CAB39L: variants seen among roughly 807,000 people sequenced by gnomAD.
CAB39L encodes the protein calcium-binding protein 39-like.
CAB39L carries 23 observed loss-of-function variants against 39.1 expected under a neutral mutation model. The observed-to-expected ratio is 0.59, with a 90% CI of 0.42 to 0.83. The LOEUF is 0.83. Ranked by LOEUF, CAB39L falls within the 40% of genes least tolerant of loss-of-function variation. The pLI, the probability that CAB39L is intolerant of heterozygous loss-of-function variation, is 0.00. For missense variants in CAB39L, 366 were observed against 391.9 expected (o/e 0.93, Z 0.56); for synonymous variants, 126 against 137.2 (o/e 0.92, Z 0.57).
At chr13:49,436,203 C>T (rs1039100035) in intron 1 of CAB39L, among the ~76,000 whole-genome samples, 2 of 152,176 alleles carry the variant, frequency 1.3e-5, no homozygotes, top group African/African-American at 4.8e-5. Context: ...TTTTCTTCAT[C>T]ATTTTGAAAG....
intron 4 of CAB39L, 47 bp from the exon 5 acceptor site, chr13:49,377,178 A>C: frequency 6.6e-7 from 1 of 1,515,888 alleles, no homozygotes; most frequent in Non-Finnish European, 9.0e-7. Flanking sequence ...AAAAATGTTT[A>C]GGCCATAAAC....
At chr13:49,321,057 C>T (rs1211014260) in intron 10 of CAB39L, among the ~76,000 whole-genome samples, 1 of 152,178 alleles carries the variant, frequency 6.6e-6, no homozygotes, top group African/African-American at 2.4e-5. Context: ...TCCTCACTGC[C>T]ACCATTCTTA....
At chr13:49,420,775 A>T (rs2138709389) in intron 3 of CAB39L, among the ~76,000 whole-genome samples, 1 of 152,370 alleles carries the variant, frequency 6.6e-6, no homozygotes, top group South Asian at 2.1e-4. Context: ...AAGCATCAGT[A>T]TTACTGTTGG....
At chr13:49,408,651 C>T (rs886745477) in intron 3 of CAB39L, among the ~76,000 whole-genome samples, 1 of 152,036 alleles carries the variant, frequency 6.6e-6, no homozygotes, top group African/African-American at 2.4e-5. Context: ...TGGCAAGACC[C>T]CCATCTCTAC....
chr13:49,351,144 A>C, intron 6 of CAB39L: 9 of 280,166 alleles, frequency 3.2e-5, no homozygotes, highest in Admixed American at 5.2e-5. Context: ...GAACATGGTG[A>C]CAGCTGGGGG....
chr13:49,428,844 C>T (rs201461618), intron 3 of CAB39L, among the ~76,000 whole-genome samples: 1 of 109,194 alleles, frequency 9.2e-6, no homozygotes, highest in Admixed American at 9.3e-5. Flanking sequence ...GCATAGACAA[C>T]GGTCTACCAC....
intron 5 of CAB39L, 78 bp downstream of exon 5, chr13:49,376,889 T>A (rs950896353): frequency 1.3e-5 from 6 of 454,078 alleles, no homozygotes; most frequent in African/African-American, 5.6e-5. Context: ...AAAAGTTGAA[T>A]AGTAGATAGA....
At chr13:49,442,532 C>T (rs182926231) in intron 1 of CAB39L, among the ~76,000 whole-genome samples, 2 of 152,214 alleles carry the variant, frequency 1.3e-5, no homozygotes, top group African/African-American at 2.4e-5. Flanking sequence ...TGGCTCACAC[C>T]TGTAATCCCA....
intron 7 of CAB39L, among the ~76,000 whole-genome samples, chr13:49,349,401 T>G (rs939130400): frequency 6.6e-6 from 1 of 151,112 alleles, no homozygotes; most frequent in Non-Finnish European, 1.5e-5. Context: ...TTTGGAGTTA[T>G]GTAAATAGAA....
chr13:49,421,869 A>G (rs1957176519), intron 3 of CAB39L, among the ~76,000 whole-genome samples: 1 of 152,112 alleles, frequency 6.6e-6, no homozygotes, highest in South Asian at 2.1e-4. Context: ...GCCTGCTAAA[A>G]CACAGATTTA....
At chr13:49,347,244 A>G (rs1028633378) in intron 7 of CAB39L, among the ~76,000 whole-genome samples, 1 of 152,234 alleles carries the variant, frequency 6.6e-6, no homozygotes, top group African/African-American at 2.4e-5. Context: ...CTTAAATTCA[A>G]TGGAAAATTG....
chr13:49,316,242 TGAC>T (rs1485012776), intron 10 of CAB39L, among the ~76,000 whole-genome samples: 4 of 152,106 alleles, frequency 2.6e-5, no homozygotes, highest in Non-Finnish European at 5.9e-5. Context: ...ACCTAGATGA[TGAC>T]ATGGCCAAAT....
intron 4 of CAB39L, among the ~76,000 whole-genome samples, chr13:49,380,082 G>A (rs1014436529): frequency 6.6e-6 from 1 of 152,004 alleles, no homozygotes; most frequent in Non-Finnish European, 1.5e-5. Flanking sequence ...CTTGTGATTC[G>A]CCCACCTCAG....
chr13:49,353,530 G>A (rs1407830430), intron 6 of CAB39L, among the ~76,000 whole-genome samples: 1 of 151,868 alleles, frequency 6.6e-6, no homozygotes, highest in Non-Finnish European at 1.5e-5. Flanking sequence ...CCCTCAATTG[G>A]AATGCCCTTC....
intron 3 of CAB39L, among the ~76,000 whole-genome samples, chr13:49,415,493 T>A (rs545275361): frequency 4.8e-4 from 73 of 151,408 alleles, no homozygotes; most frequent in African/African-American, 1.6e-3. Flanking sequence ...TGCACTCCAG[T>A]CTGGGTGACA....
chr13:49,341,875 T>C (rs1955019048), intron 8 of CAB39L, among the ~76,000 whole-genome samples: 1 of 152,120 alleles, frequency 6.6e-6, no homozygotes, highest in African/African-American at 2.4e-5. Context: ...TGTATCAATT[T>C]AAAAAATCAT....
At chr13:49,443,831 C>A (rs992196904) in intron 1 of CAB39L, among the ~76,000 whole-genome samples, 155 bp downstream of exon 1, 1 of 152,198 alleles carries the variant, frequency 6.6e-6, no homozygotes, top group African/African-American at 2.4e-5. Flanking sequence ...CCCATCCTTT[C>A]CGCAAGTAGG....
intron 3 of CAB39L, among the ~76,000 whole-genome samples, chr13:49,389,351 G>A (rs1279314465): frequency 6.6e-6 from 1 of 152,150 alleles, no homozygotes; most frequent in East Asian, 1.9e-4. Flanking sequence ...GATAAAAAAT[G>A]TAGTACAGGC....
At position 49,434,135 on chromosome 13, in the gene CAB39L, T is replaced by G. The variant is rs1344826905; in HGVS notation, c.-157A>C. Reference sequence around the variant, plus strand: ...CTTGCATGAAGAATGAACAAACCACTGATTTGGGGTTCGCATCTTTACGTT... The same window carrying G: ...CTTGCATGAAGAATGAACAAACCACGGATTTGGGGTTCGCATCTTTACGTT... On this transcript the variant is annotated 5_prime_UTR_variant, in exon 2 of 11. Coordinates refer to ENST00000409308, the MANE Select transcript of CAB39L (RefSeq NM_001079670.3). 4.4e-6 allele frequency: 2 copies of G among 456,870 alleles called. No homozygotes were observed. Among genetic ancestry groups the G allele is most frequent in the Admixed American group, 4.7e-5 (2 of 42,500 alleles). The allele number at this position is 456,870 out of a possible 1,614,324, so 28.3% of individuals were successfully genotyped here.
Sources: allele counts gnomAD v4.1 joint callset (sites outside exome capture counted in the v4.1 genomes callset), GRCh38; gene constraint gnomAD v4.1.1; transcripts MANE v1.5; gene names NCBI Gene and HGNC (gene_info 2026-07-23, HGNC 2026-07-21).